The following CCNY variants were observed in gnomAD, a reference collection of about 807,000 sequenced individuals.
CCNY encodes cyclin-Y.
In CCNY, 19 loss-of-function variants were observed where a neutral mutation model predicts 42.8. The ratio of observed to expected loss-of-function variants is 0.44; its 90% CI spans 0.31 to 0.65. The LOEUF (loss-of-function observed/expected upper bound fraction) is 0.65. Among genes scored for constraint, CCNY ranks in the 30% least tolerant of loss-of-function variants. CCNY has a pLI of 0.07. For missense variants in CCNY, 370 were observed against 437.3 expected (o/e 0.85, Z 1.37); for synonymous variants, 165 against 162.7 (o/e 1.01, Z -0.11).
intron 1 of CCNY, among the ~76,000 whole-genome samples, chr10:35,438,071 A>C (rs151035805): frequency 1.8e-4 from 28 of 152,036 alleles, no homozygotes; most frequent in African/African-American, 6.8e-4. Flanking sequence ...ATGCGTATTT[A>C]TCATCATACA....
intron 1 of CCNY, among the ~76,000 whole-genome samples, chr10:35,390,800 GTATTAT>G (rs1009633022): frequency 6.6e-6 from 1 of 152,108 alleles, no homozygotes; most frequent in African/African-American, 2.4e-5. Flanking sequence ...TGGAACTCCT[GTATTAT>G]TATTATTATT....
At chr10:35,442,857 G>A (rs1046085052) in intron 1 of CCNY, among the ~76,000 whole-genome samples, 7 of 152,218 alleles carry the variant, frequency 4.6e-5, no homozygotes, top group African/African-American at 1.4e-4. Context: ...GTCATTGTGT[G>A]AACATGAGAG....
chr10:35,499,545 A>G (rs1432527890), intron 2 of CCNY, among the ~76,000 whole-genome samples: 1 of 152,206 alleles, frequency 6.6e-6, no homozygotes, highest in African/African-American at 2.4e-5. Flanking sequence ...CATCTCAGCC[A>G]TTACTTCTAC....
chr10:35,248,512 C>G (rs899190672), intron 2 of CCNY, among the ~76,000 whole-genome samples: 1 of 151,920 alleles, frequency 6.6e-6, no homozygotes, highest in Non-Finnish European at 1.5e-5. Flanking sequence ...TGGGCATGGT[C>G]GTGCATGCCT....
At chr10:35,514,188 T>G (rs1272173114) in intron 3 of CCNY, among the ~76,000 whole-genome samples, 3 of 152,082 alleles carry the variant, frequency 2.0e-5, no homozygotes, top group Non-Finnish European at 4.4e-5. Flanking sequence ...TCAAGAGAAG[T>G]TCACATTCTA....
intron 3 of CCNY, among the ~76,000 whole-genome samples, chr10:35,302,252 C>T (rs1013820012): frequency 5.3e-5 from 8 of 151,722 alleles, no homozygotes; most frequent in Middle Eastern, 3.4e-3. Context: ...TAAGCCACCA[C>T]GCCCATCCTC....
chr10:35,293,435 A>C (rs1427104071), intron 3 of CCNY, among the ~76,000 whole-genome samples: 1 of 152,146 alleles, frequency 6.6e-6, no homozygotes. Flanking sequence ...AGATCATTTT[A>C]GCTAATTCTA....
intron 1 of CCNY, among the ~76,000 whole-genome samples, chr10:35,443,465 CACAA>C (rs1838719147): frequency 6.6e-6 from 1 of 152,060 alleles, no homozygotes; most frequent in African/African-American, 2.4e-5. Flanking sequence ...AAAAACAAGA[CACAA>C]ACACACACAT....
At chr10:35,401,968 G>A (rs774141983) in intron 1 of CCNY, among the ~76,000 whole-genome samples, 8 of 152,172 alleles carry the variant, frequency 5.3e-5, no homozygotes, top group Non-Finnish European at 1.2e-4. Flanking sequence ...GGATGTATAT[G>A]TGCAGGTCAC....
At chr10:35,419,728 ATG>A (rs1838116699) in intron 1 of CCNY, among the ~76,000 whole-genome samples, 1 of 151,980 alleles carries the variant, frequency 6.6e-6, no homozygotes, top group African/African-American at 2.4e-5. Context: ...GCTTTATCTC[ATG>A]TCTCTCTTTA....
intron 1 of CCNY, among the ~76,000 whole-genome samples, chr10:35,413,067 G>A (rs1186010115): frequency 1.3e-5 from 2 of 151,922 alleles, no homozygotes; most frequent in African/African-American, 2.4e-5. Context: ...TTTTGGTATT[G>A]TGTTGGAGAG....
At chr10:35,502,312 A>G (rs1033691795) in intron 3 of CCNY, among the ~76,000 whole-genome samples, 2 of 152,252 alleles carry the variant, frequency 1.3e-5, no homozygotes, top group African/African-American at 4.8e-5. Flanking sequence ...CAAAATAAGT[A>G]TGCTCTAAGT....
chr10:35,272,072 C>T (rs955606060), intron 3 of CCNY, among the ~76,000 whole-genome samples: 1 of 152,148 alleles, frequency 6.6e-6, no homozygotes, highest in Non-Finnish European at 1.5e-5. Context: ...CTGCAACCTC[C>T]GCCTGCCAGG....
chr10:35,343,024 A>G (rs1331194441), intron 1 of CCNY, among the ~76,000 whole-genome samples: 1 of 138,894 alleles, frequency 7.2e-6, no homozygotes, highest in Non-Finnish European at 1.5e-5. Flanking sequence ...TTTTTTTAAG[A>G]CAGGGTTTTA....
intron 7 of CCNY, among the ~76,000 whole-genome samples, chr10:35,535,605 C>T (rs922619110): frequency 1.3e-5 from 2 of 152,108 alleles, no homozygotes; most frequent in Admixed American, 6.5e-5. Flanking sequence ...GGGCTTTGCA[C>T]CTGAAGATTC....
At position 35,336,956 on chromosome 10, in the gene CCNY, C is replaced by T; in HGVS notation, c.-98C>T. ...CCGTGGCGGCGAGCGGGCGGGCCTC[C>T]CCACACGCCCCCGCCGCCCGCGCCC... On this transcript the variant is annotated 5_prime_UTR_variant, in exon 1 of 10. Transcript: ENST00000374704. 2 of 994,372 alleles carry T rather than the reference C, an allele frequency of 2.0e-6. No individual in the cohort carries two copies. The highest frequency in any genetic ancestry group is 2.6e-6 in the Non-Finnish European group (2 of 784,124). The allele number at this position is 994,372 out of a possible 1,614,324, so 61.6% of individuals were successfully genotyped here. A position where few individuals can be genotyped will look rare whatever the true frequency, so the allele number is the denominator to read the frequency against.
chr10:35,522,517 C>G (rs1447317199), intron 4 of CCNY, among the ~76,000 whole-genome samples: 2 of 152,242 alleles, frequency 1.3e-5, no homozygotes, highest in East Asian at 3.9e-4. Context: ...GAGCCACACT[C>G]CAGGGGGAGG....
chr10:35,476,499 C>G (rs1010131658), intron 1 of CCNY, among the ~76,000 whole-genome samples: 3 of 152,156 alleles, frequency 2.0e-5, no homozygotes, highest in African/African-American at 7.2e-5. Context: ...AACTGTTCAA[C>G]TACATGGAAA....
intron 3 of CCNY, among the ~76,000 whole-genome samples, chr10:35,325,002 G>A (rs895602504): frequency 3.3e-5 from 5 of 152,152 alleles, no homozygotes; most frequent in Non-Finnish European, 7.3e-5. Context: ...GAAATTTTAA[G>A]TGTCAACATA....
Sources: allele counts gnomAD v4.1 joint callset (sites outside exome capture counted in the v4.1 genomes callset), GRCh38; gene constraint gnomAD v4.1.1; transcripts MANE v1.5; gene names NCBI Gene and HGNC (gene_info 2026-07-23, HGNC 2026-07-21).